The following MAGEA11 variants were observed in gnomAD, a reference collection of about 807,000 sequenced individuals.
The protein encoded by MAGEA11 is melanoma-associated antigen 11.
Under a neutral mutation model 8.4 loss-of-function variants are expected in MAGEA11, and 1 was observed. That is an observed-to-expected ratio of 0.12 (90% CI 0.04 to 0.57). MAGEA11 has a LOEUF of 0.57. MAGEA11 is among the 20% of genes least tolerant of loss of function. The probability of loss-of-function intolerance (pLI) is 0.91; values close to 1 mark genes in which losing one functional copy is unlikely to be tolerated. For missense variants in MAGEA11, 209 were observed against 317.3 expected (o/e 0.66, Z 2.59); for synonymous variants, 127 against 119.3 (o/e 1.06, Z -0.42).
chrX:149,711,930 ACCCCG>A (rs1179908947), upstream of MAGEA11: 644 of 121,736 alleles, frequency 5.3e-3, 4 homozygotes, highest in African/African-American at 0.051. Context: ...CCCCTGCCCC[ACCCCG>A]CCCCGCCCCG....
upstream of MAGEA11, chrX:149,688,709 C>CATAT (rs2090298099): frequency 5.3e-5 from 12 of 225,494 alleles, no homozygotes; most frequent in African/African-American, 3.6e-4. Context: ...TATACATATA[C>CATAT]ACATACACAT....
chrX:149,692,321 C>G (rs1423463635), intron 1 of MAGEA11, among the ~76,000 whole-genome samples: 2 of 110,330 alleles, frequency 1.8e-5, no homozygotes, highest in Non-Finnish European at 3.8e-5. Flanking sequence ...GCATGAGAAT[C>G]ACATGAACCT....
chrX:149,699,690 G>A (rs1557360836), intron 1 of MAGEA11, among the ~76,000 whole-genome samples: 1 of 111,573 alleles, frequency 9.0e-6, no homozygotes. Flanking sequence ...TTTGGCAGAG[G>A]TAGCCATTGT....
chrX:149,714,846 A>C (rs1187078991), intron 3 of MAGEA11, among the ~76,000 whole-genome samples: 1 of 111,524 alleles, frequency 9.0e-6, no homozygotes, highest in Non-Finnish European at 1.9e-5. Context: ...CATGGGACTC[A>C]GCCCTTCCCT....
intron 1 of MAGEA11, chrX:149,689,103 A>G: frequency 1.6e-6 from 1 of 635,348 alleles, no homozygotes; most frequent in Non-Finnish European, 2.3e-6. Context: ...TTCCCAGCTC[A>G]GAATGCCTCC....
intron 1 of MAGEA11, among the ~76,000 whole-genome samples, chrX:149,712,861 C>T (rs782241737): frequency 2.7e-5 from 3 of 112,394 alleles, no homozygotes; most frequent in East Asian, 5.7e-4. Context: ...GTCAGGACCC[C>T]GAGGGAGGGC....
chrX:149,713,250 C>T lies in MAGEA11; in HGVS notation c.91C>T (p.Leu31Phe), dbSNP rs782195407. 4 of 1,180,359 alleles carry T rather than the reference C, an allele frequency of 3.4e-6. No individual in the cohort carries two copies. The highest frequency in any genetic ancestry group is 4.6e-6 in the Non-Finnish European group (4 of 872,506). Residue 31 changes from leucine (L) to phenylalanine (F), a missense_variant, in exon 2 of 5, where the codon CTC (leucine) becomes TTC (phenylalanine). Coordinates refer to ENST00000355220, the MANE Select transcript of MAGEA11 (RefSeq NM_005366.5). ...GAGGGAGGACTCAGGAGACTTTGGA[C>T]TCCAGGTCAGTAGGGACCTTGGCCC... is the stretch of plus-strand genomic sequence containing the variant. Reference protein sequence around the residue: ...KKREDSGDFGLQVSTMFSEDD... With the variant: ...KKREDSGDFGFQVSTMFSEDD...
chrX:149,716,871 G>A lies in MAGEA11; in HGVS notation c.*95G>A. On this transcript the variant is annotated 3_prime_UTR_variant, in exon 5 of 5. Transcript: ENST00000355220. ...GTTTCCCTGTCCTGTGTGAAATCAGGCCCATTCTTCCCTCTGTGTTTGATG... is the reference window on the plus strand; with the variant it reads ...GTTTCCCTGTCCTGTGTGAAATCAGACCCATTCTTCCCTCTGTGTTTGATG... 5 of 864,070 alleles carry A rather than the reference G, an allele frequency of 5.8e-6. No individual in the cohort carries two copies. The highest frequency in any genetic ancestry group is 8.1e-6 in the Non-Finnish European group (5 of 613,995). 71.2% of individuals were successfully genotyped at this position (864,070 alleles called of 1,213,427 possible).
At chrX:149,693,106 G>A (rs1201151478) in intron 1 of MAGEA11, among the ~76,000 whole-genome samples, 1 of 112,393 alleles carries the variant, frequency 8.9e-6, no homozygotes, top group Non-Finnish European at 1.9e-5. Context: ...AATGTAGTCA[G>A]CAGTTAGGTC....
upstream of MAGEA11, among the ~76,000 whole-genome samples, chrX:149,710,461 T>C (rs782544149): frequency 9.0e-6 from 1 of 111,422 alleles, no homozygotes; most frequent in African/African-American, 3.3e-5. Context: ...TTGGTTTTGT[T>C]TTTTTGAGAC....
chrX:149,706,934 C>T (rs1391377885), intron 1 of MAGEA11, among the ~76,000 whole-genome samples: 4 of 112,800 alleles, frequency 3.5e-5, no homozygotes, highest in African/African-American at 9.7e-5. Flanking sequence ...AAGGTCACAG[C>T]TGCCTCCTGA....
At chrX:149,714,826 T>A (rs1397616498) in intron 3 of MAGEA11, among the ~76,000 whole-genome samples, 1 of 110,891 alleles carries the variant, frequency 9.0e-6, no homozygotes, top group Non-Finnish European at 1.9e-5. Context: ...GGGACAGCAC[T>A]TACCAAAAAC....
At chrX:149,689,066 G>A in intron 1 of MAGEA11, 2 of 869,501 alleles carry the variant, frequency 2.3e-6, no homozygotes, top group Admixed American at 5.0e-5. Context: ...TATAGATAAA[G>A]GGCTATGAAA....
At chrX:149,694,383 A>C (rs2124279086) in intron 1 of MAGEA11, among the ~76,000 whole-genome samples, 1 of 112,272 alleles carries the variant, frequency 8.9e-6, no homozygotes, top group Admixed American at 9.4e-5. Context: ...TGTCTATTCA[A>C]ATCCTTTGCT....
At chrX:149,709,071 G>A (rs2090388891), upstream of MAGEA11, among the ~76,000 whole-genome samples, 1 of 109,616 alleles carries the variant, frequency 9.1e-6, no homozygotes, top group Non-Finnish European at 1.9e-5. Context: ...TGGATCACGA[G>A]GTCAGGAGTT....
intron 1 of MAGEA11, among the ~76,000 whole-genome samples, chrX:149,706,568 GC>G (rs2090378319): frequency 8.9e-6 from 1 of 112,557 alleles, no homozygotes; most frequent in South Asian, 3.6e-4. Context: ...TCACCAAATG[GC>G]TACCTCATCT....
chrX:149,716,447 G>T lies in MAGEA11; in HGVS notation c.961G>T (p.Val321Leu), dbSNP rs782259230. 7.4e-6 allele frequency: 9 copies of T among 1,211,443 alleles called. No homozygotes were observed. The East Asian group carries it at 2.1e-4, about 28-fold the overall frequency. The change falls in exon 5 of 5, where the codon GTA becomes TTA. Residue 321 changes from valine (V) to leucine (L), a missense_variant. By Grantham distance (32) the Val-to-Leu change is conservative. This residue lies in a region of MAGEA11 where 78 missense variants were observed against 178.8 expected (regional missense o/e 0.44). Coordinates refer to ENST00000355220, the MANE Select transcript of MAGEA11 (RefSeq NM_005366.5). Reference sequence around the variant, plus strand: ...TGGCCTCCTGATAATAGTCCTGGGTGTAATCTTCATGGAGGGGAACTGCAT... The same window carrying T: ...TGGCCTCCTGATAATAGTCCTGGGTTTAATCTTCATGGAGGGGAACTGCAT... Reference protein sequence around the residue: ...KSGLLIIVLGVIFMEGNCIPE... With the variant: ...KSGLLIIVLGLIFMEGNCIPE...
chrX:149,699,325 G>C lies in MAGEA11; in HGVS notation c.9+10341G>C, dbSNP rs145197566. ...GAAGCAAAGATTGCTTGGAGGAGGG[G>C]TCCCTTTTATGGGACTTTCTAAGCC... On this transcript the variant is annotated intron_variant, in intron 1 of 3. Transcript: ENST00000333104. Among the ~76,000 whole-genome samples the C allele has an allele frequency of 3.9e-3, 440 of 111,730 alleles. 2 individuals are homozygous for C. Among genetic ancestry groups the C allele is most frequent in the African/African-American group, 0.013 (414 of 30,748 alleles).
chrX:149,692,855 T>G (rs1557360266), intron 1 of MAGEA11, among the ~76,000 whole-genome samples: 2 of 111,731 alleles, frequency 1.8e-5, no homozygotes, highest in Non-Finnish European at 1.9e-5. Context: ...TGAGATCTGA[T>G]GGTTCTATGA....
Sources: allele counts gnomAD v4.1 joint callset (sites outside exome capture counted in the v4.1 genomes callset), GRCh38; gene constraint gnomAD v4.1.1; regional missense constraint gnomAD v4.1.1; transcripts MANE v1.5; gene names NCBI Gene and HGNC (gene_info 2026-07-23, HGNC 2026-07-21).